RALYL: variants seen among roughly 807,000 people sequenced by gnomAD.
RALYL encodes the protein RNA-binding Raly-like protein.
In RALYL, 29 loss-of-function variants were observed where a neutral mutation model predicts 35.1. The observed-to-expected ratio is 0.83, with a 90% CI of 0.61 to 1.13. The LOEUF (loss-of-function observed/expected upper bound fraction) is 1.13. RALYL is among the 50% of genes most tolerant of loss of function. The probability of loss-of-function intolerance (pLI) is 0.00; values close to 1 mark genes in which losing one functional copy is unlikely to be tolerated. For synonymous variants in RALYL, 120 were observed against 127.6 expected, an observed-to-expected ratio of 0.94 and a Z score of 0.40; for missense variants, 359 against 360.4, an observed-to-expected ratio of 1.00 and a Z score of 0.03.
intron 5 of RALYL, among the ~76,000 whole-genome samples, chr8:84,854,895 C>A (rs527855898): frequency 6.6e-6 from 1 of 152,102 alleles, no homozygotes; most frequent in Non-Finnish European, 1.5e-5. Flanking sequence ...ACAAGGAGAA[C>A]CTGTGGTGCT....
chr8:84,490,079 ATGTGTG>A (rs143193843), intron 1 of RALYL, among the ~76,000 whole-genome samples: 13 of 144,366 alleles, frequency 9.0e-5, no homozygotes, highest in Non-Finnish European at 1.4e-4. Flanking sequence ...GCTTGCGTGC[ATGTGTG>A]TGTGTGTGTG....
chr8:84,786,551 G>A (rs1819505364), intron 3 of RALYL, among the ~76,000 whole-genome samples: 1 of 152,162 alleles, frequency 6.6e-6, no homozygotes, highest in South Asian at 2.1e-4. Context: ...TCTCATTGTG[G>A]TTTTGATTTG....
intron 1 of RALYL, among the ~76,000 whole-genome samples, chr8:84,463,566 G>C (rs979086331): frequency 1.3e-5 from 2 of 152,024 alleles, no homozygotes; most frequent in Non-Finnish European, 2.9e-5. Flanking sequence ...ATTTGGCATT[G>C]TGAAATTCAG....
At chr8:84,294,147 G>A (rs1341484895) in intron 1 of RALYL, among the ~76,000 whole-genome samples, 1 of 151,762 alleles carries the variant, frequency 6.6e-6, no homozygotes, top group African/African-American at 2.4e-5. Context: ...TTGGTGCCTG[G>A]TTAAAAAAAG....
chr8:84,728,077 T>G (rs1005583159), intron 2 of RALYL, among the ~76,000 whole-genome samples: 9 of 151,772 alleles, frequency 5.9e-5, no homozygotes, highest in Admixed American at 2.0e-4. Flanking sequence ...TGAACTAGTT[T>G]ACAGTCCCAC....
chr8:84,207,011 A>G (rs974455700), intron 1 of RALYL, among the ~76,000 whole-genome samples: 1 of 152,146 alleles, frequency 6.6e-6, no homozygotes, highest in Admixed American at 6.5e-5. Flanking sequence ...AAAAAGACCA[A>G]AAAGATAAGT....
intron 2 of RALYL, among the ~76,000 whole-genome samples, chr8:84,655,430 G>T (rs1829778266): frequency 6.6e-6 from 1 of 152,040 alleles, no homozygotes; most frequent in African/African-American, 2.4e-5. Flanking sequence ...CCAGGTTCAA[G>T]TGATTCTCCT....
chr8:84,307,251 A>G (rs991348613), intron 1 of RALYL, among the ~76,000 whole-genome samples: 2 of 152,108 alleles, frequency 1.3e-5, no homozygotes, highest in African/African-American at 4.8e-5. Flanking sequence ...TTATTCAGCC[A>G]TTTATGGGCA....
At chr8:84,591,926 T>G (rs932424841) in intron 2 of RALYL, among the ~76,000 whole-genome samples, 2 of 152,200 alleles carry the variant, frequency 1.3e-5, no homozygotes, top group African/African-American at 4.8e-5. Flanking sequence ...TGGCTTTTAT[T>G]TCTTGATAGG....
At chr8:84,237,470 A>G (rs1032311026) in intron 1 of RALYL, among the ~76,000 whole-genome samples, 3 of 152,222 alleles carry the variant, frequency 2.0e-5, no homozygotes, top group African/African-American at 7.2e-5. Context: ...GAGGTATTAA[A>G]GAAAGGAATG....
chr8:84,756,593 C>T (rs1250547526), intron 2 of RALYL, among the ~76,000 whole-genome samples: 1 of 152,106 alleles, frequency 6.6e-6, no homozygotes, highest in Non-Finnish European at 1.5e-5. Flanking sequence ...AACAGCCGGG[C>T]TGTTAACATA....
chr8:84,868,351 C>A (rs540704107), intron 6 of RALYL, among the ~76,000 whole-genome samples: 1 of 152,226 alleles, frequency 6.6e-6, no homozygotes, highest in African/African-American at 2.4e-5. Context: ...TACCACCATG[C>A]CTGGCTAATT....
chr8:84,596,997 A>G (rs1352411010), intron 2 of RALYL, among the ~76,000 whole-genome samples: 1 of 152,120 alleles, frequency 6.6e-6, no homozygotes, highest in Non-Finnish European at 1.5e-5. Flanking sequence ...GTTGATAGAA[A>G]ACAAGAGGCT....
chr8:84,193,933 G>A (rs1278286868), intron 1 of RALYL, among the ~76,000 whole-genome samples: 1 of 152,032 alleles, frequency 6.6e-6, no homozygotes, highest in Non-Finnish European at 1.5e-5. Flanking sequence ...AGAGAGCAAG[G>A]GCAGCTCTAC....
At chr8:84,246,365 A>T in intron 1 of RALYL, among the ~76,000 whole-genome samples, 1 of 152,214 alleles carries the variant, frequency 6.6e-6, no homozygotes, top group East Asian at 1.9e-4. Context: ...AAGAGAAACA[A>T]AACAAATATA....
At chr8:84,653,496 T>C (rs1229789327) in intron 2 of RALYL, among the ~76,000 whole-genome samples, 5 of 152,204 alleles carry the variant, frequency 3.3e-5, no homozygotes, top group Admixed American at 1.3e-4. Flanking sequence ...CCTTCTCTCA[T>C]AGGGCCTTTG....
At chr8:84,669,022 C>T (rs1832658397) in intron 2 of RALYL, among the ~76,000 whole-genome samples, 1 of 152,072 alleles carries the variant, frequency 6.6e-6, no homozygotes, top group African/African-American at 2.4e-5. Context: ...TAATCATTTA[C>T]TCAATGATTA....
chr8:84,459,820 G>A (rs2050548585), intron 1 of RALYL, among the ~76,000 whole-genome samples: 1 of 151,772 alleles, frequency 6.6e-6, no homozygotes, highest in African/African-American at 2.4e-5. Flanking sequence ...CATCTGCGAA[G>A]CTATAAGGAA....
At chr8:84,855,856 C>G (rs776599404) in intron 5 of RALYL, among the ~76,000 whole-genome samples, 5 of 152,088 alleles carry the variant, frequency 3.3e-5, no homozygotes, top group Non-Finnish European at 7.4e-5. Context: ...TGTTTTACTT[C>G]TATGTAAAAC....
Sources: allele counts gnomAD v4.1 joint callset (sites outside exome capture counted in the v4.1 genomes callset), GRCh38; gene constraint gnomAD v4.1.1; transcripts MANE v1.5; gene names NCBI Gene and HGNC (gene_info 2026-07-23, HGNC 2026-07-21).